WWC1: variants seen among roughly 807,000 people sequenced by gnomAD.
WWC1 encodes WW and C2 domain containing 1.
Under a neutral mutation model 138.4 loss-of-function variants are expected in WWC1, and 55 were observed. The ratio of observed to expected loss-of-function variants is 0.40; its 90% CI spans 0.32 to 0.50. The LOEUF is 0.50. Among genes scored for constraint, WWC1 ranks in the 20% least tolerant of loss-of-function variants. The pLI, the probability that WWC1 is intolerant of heterozygous loss-of-function variation, is 0.72. For missense variants in WWC1, 1,226 were observed against 1,420.4 expected (o/e 0.86, Z 2.20); for synonymous variants, 524 against 564.9 (o/e 0.93, Z 1.03).
Position 168,442,963 on chromosome 5 carries a change from C to T in WWC1, c.2433+1129C>T, listed in dbSNP as rs116344225. Among the ~76,000 whole-genome samples, 1,029 of 152,240 alleles carry T rather than the reference C, an allele frequency of 6.8e-3. 12 individuals carry two copies. The highest frequency in any genetic ancestry group is 0.023 in the African/African-American group (970 of 41,520). On this transcript the variant is annotated intron_variant, in intron 16 of 22. Transcript: ENST00000265293. ...TAAAATATCCTTAAACTGTCTCCCC[C>T]GTTTGGAAAGCCCACACCTACTGGC...
intron 2 of WWC1, among the ~76,000 whole-genome samples, chr5:168,374,039 C>G (rs1411516374): frequency 8.4e-6 from 1 of 119,464 alleles, no homozygotes; most frequent in African/African-American, 3.4e-5. Flanking sequence ...GAGCGAGATT[C>G]TGTACCAAAA....
intron 3 of WWC1, among the ~76,000 whole-genome samples, chr5:168,394,171 GC>G (rs375502502): frequency 2.2e-4 from 34 of 152,214 alleles, no homozygotes; most frequent in African/African-American, 8.2e-4. Context: ...AATAAGTAAT[GC>G]CGAAAACAGA....
chr5:168,416,993 G>A (rs4976602), intron 9 of WWC1, among the ~76,000 whole-genome samples: 16,800 of 151,992 alleles, frequency 0.11, 1,036 homozygotes, highest in African/African-American at 0.15. Context: ...TTAGCCTCCC[G>A]AGTAGCTGGG....
chr5:168,443,057 G>A (rs1754929861), intron 16 of WWC1, among the ~76,000 whole-genome samples: 1 of 127,194 alleles, frequency 7.9e-6, no homozygotes, highest in African/African-American at 3.3e-5. Context: ...GGACTCCTAT[G>A]GGATCCCGAC....
chr5:168,408,761 T>C (rs6887919), intron 7 of WWC1, 108 bp downstream of exon 7: 718,006 of 1,472,144 alleles, frequency 0.49, 182,289 homozygotes, highest in African/African-American at 0.79. Context: ...TGGCCAGGGG[T>C]TCTCTGCAGG....
At position 168,406,279 on chromosome 5, in the gene WWC1, C is replaced by G; in HGVS notation, c.672C>G (p.Ile224Met). 1 of 1,614,036 alleles carries G rather than the reference C, an allele frequency of 6.2e-7. No individual in the cohort carries two copies. The highest frequency in any genetic ancestry group is 1.1e-5 in the South Asian group (1 of 91,080). The change falls in exon 6 of 23, where the codon ATC (isoleucine) becomes ATG (methionine). Residue 224 changes from isoleucine (I) to methionine (M), a missense_variant. Transcript: ENST00000265293. The stretch of plus-strand genomic sequence containing the variant: ...CTGTCTTGAGAGAAACAAAAGCCAT[C>G]AAAAAGGCTATTACCTGTGGGGAAA... ...AQAVLRETKA[I>M]KKAITCGEKE...
chr5:168,392,718 A>G (rs1778595768), intron 3 of WWC1, among the ~76,000 whole-genome samples: 2 of 152,188 alleles, frequency 1.3e-5, no homozygotes, highest in African/African-American at 4.8e-5. Flanking sequence ...TTAAAGATAG[A>G]AAACAAATAA....
At chr5:168,294,604 G>A (rs1437231072) in intron 1 of WWC1, among the ~76,000 whole-genome samples, 1 of 151,946 alleles carries the variant, frequency 6.6e-6, no homozygotes, top group South Asian at 2.1e-4. Context: ...TGGTTTTTTT[G>A]TTTGCTTTTG....
chr5:168,390,051 C>T (rs371498331), intron 3 of WWC1, among the ~76,000 whole-genome samples: 3 of 152,108 alleles, frequency 2.0e-5, no homozygotes, highest in South Asian at 2.1e-4. Context: ...GACTATAGAC[C>T]CTGGAGCCAG....
In WWC1 at chr5:168,421,990, T is replaced by G; in HGVS notation, c.1185-18T>G. The G allele has an allele frequency of 6.2e-7, 1 of 1,606,654 alleles. No individual in the cohort carries two copies. Among genetic ancestry groups the G allele is most frequent in the East Asian group, 2.2e-5 (1 of 44,620 alleles). ...GCTTCCTTTTGGTGCATCCCTCGCA[T>G]GCTTTCTCTCCTTCCAGGTTAAAGT... On this transcript the variant is annotated intron_variant, in intron 9 of 22. Transcript: ENST00000265293.
chr5:168,304,739 G>A (rs933901558), intron 1 of WWC1, among the ~76,000 whole-genome samples: 1 of 152,168 alleles, frequency 6.6e-6, no homozygotes, highest in Non-Finnish European at 1.5e-5. Flanking sequence ...TTTTGTTAGT[G>A]GTTGAATGGC....
intron 16 of WWC1, 102 bp from the exon 17 acceptor site, chr5:168,444,392 T>C: frequency 3.4e-6 from 4 of 1,190,660 alleles, no homozygotes; most frequent in South Asian, 1.6e-5. Flanking sequence ...GGTTTCACCA[T>C]CAATTCACTG....
chr5:168,348,684 G>C (rs576940431), intron 1 of WWC1, among the ~76,000 whole-genome samples: 119 of 152,278 alleles, frequency 7.8e-4, no homozygotes, highest in African/African-American at 2.8e-3. Context: ...TGTCCAGGCA[G>C]GGTCTGCTGG....
At chr5:168,307,539 A>T (rs538390174) in intron 1 of WWC1, among the ~76,000 whole-genome samples, 2 of 151,076 alleles carry the variant, frequency 1.3e-5, no homozygotes, top group Admixed American at 6.6e-5. Context: ...CCTCCAAGGA[A>T]TCATTTCCTT....
chr5:168,461,135 C>T (rs760140922), intron 20 of WWC1, among the ~76,000 whole-genome samples: 1 of 152,114 alleles, frequency 6.6e-6, no homozygotes. Context: ...TTGAGACCAG[C>T]CTGGCCAACA....
chr5:168,399,336 G>C lies in WWC1; in HGVS notation c.511-152G>C, dbSNP rs547919053. The C allele has an allele frequency of 1.3e-5, 9 of 678,156 alleles. No individual in the cohort carries two copies. In the Admixed American group the frequency reaches 2.4e-4, roughly 18 times the overall value. The allele number at this position is 678,156 out of a possible 1,614,324, so 42.0% of individuals were successfully genotyped here. ...ACCAAGGCCAACATCGGTGACAGGA[G>C]GGGGCTCTGACCAGTGTGGCGCAAG... On this transcript the variant is annotated intron_variant, in intron 4 of 22. Transcript: ENST00000265293.
At chr5:168,322,567 T>C (rs1329384670) in intron 1 of WWC1, among the ~76,000 whole-genome samples, 1 of 152,252 alleles carries the variant, frequency 6.6e-6, no homozygotes, top group Admixed American at 6.5e-5. Context: ...TGCTTTATCC[T>C]CAGCACCTAG....
In WWC1 at chr5:168,423,849, A is replaced by G. The variant is rs760023719; in HGVS notation, c.1591A>G (p.Met531Val). 4.1e-5 allele frequency: 66 copies of G among 1,613,916 alleles called. No individual in the cohort carries two copies. The highest frequency in any genetic ancestry group is 5.5e-5 in the Non-Finnish European group (65 of 1,179,984). ...LRSLSGTPKS[M>V]TSLSPRSSLS... ...TTCCCTGTCTGGCACCCCAAAGTCC[A>G]TGACCTCCCTATCCCCACGTTCCTC... Residue 531 changes from methionine to valine, a missense_variant, in exon 11 of 23, where the codon ATG (methionine) becomes GTG (valine). This residue lies in a region of WWC1 where 1,016 missense variants were observed against 1,153.9 expected (regional missense o/e 0.88). Coordinates refer to ENST00000265293, the MANE Select transcript of WWC1 (RefSeq NM_015238.3).
At chr5:168,409,867 A>G in intron 7 of WWC1, 55 bp from the exon 8 acceptor site, 5 of 1,596,440 alleles carry the variant, frequency 3.1e-6, no homozygotes, top group Non-Finnish European at 4.3e-6. Context: ...TCGAAACCCA[A>G]CTCAGCACCG....
Sources: gnomAD v4.1 joint callset for allele counts (sites outside exome capture counted in the v4.1 genomes callset) on GRCh38, gnomAD v4.1.1 for gene constraint, gnomAD v4.1.1 regional missense constraint, MANE v1.5 for transcripts, NCBI Gene and HGNC (gene_info 2026-07-23, HGNC 2026-07-21) for gene names.